MARK2: variants seen among roughly 807,000 people sequenced by gnomAD.
The protein encoded by MARK2 is serine/threonine-protein kinase MARK2.
Under a neutral mutation model 89.8 loss-of-function variants are expected in MARK2, and 16 were observed. That is an observed-to-expected ratio of 0.18 (90% CI 0.12 to 0.27). MARK2 has a LOEUF of 0.27. MARK2 is among the 10% of genes least tolerant of loss of function. The pLI is 1.00. For missense variants in MARK2, 621 were observed against 1,049.9 expected, an observed-to-expected ratio of 0.59 and a Z score of 5.65; for synonymous variants, 382 against 399.5, an observed-to-expected ratio of 0.96 and a Z score of 0.52.
At chr11:63,839,647 C>T in intron 1 of MARK2, 87 bp downstream of exon 1, 2 of 849,074 alleles carry the variant, frequency 2.4e-6, no homozygotes, top group Non-Finnish European at 3.7e-6. Context: ...CTCCTCGTGC[C>T]CCTGCTGCCA....
chr11:63,881,785 A>G (rs1252952016), intron 1 of MARK2, among the ~76,000 whole-genome samples: 1 of 152,172 alleles, frequency 6.6e-6, no homozygotes, highest in Non-Finnish European at 1.5e-5. Flanking sequence ...ATCTCTACAA[A>G]AAAAATGAAA....
intron 7 of MARK2, 90 bp from the exon 8 acceptor site, chr11:63,899,784 G>A (rs1036052417): frequency 3.5e-5 from 29 of 827,268 alleles, no homozygotes; most frequent in Middle Eastern, 3.6e-4. Context: ...ATGACTTTCC[G>A]TTTGTTCTCC....
intron 18 of MARK2, 33 bp downstream of exon 18, chr11:63,908,337 C>G (rs755621532): frequency 2.0e-6 from 3 of 1,534,890 alleles, no homozygotes; most frequent in South Asian, 1.2e-5. Context: ...TGGCCCTGCC[C>G]GGGCCACCGG....
chr11:63,889,580 T>C (rs1430647786), intron 1 of MARK2, among the ~76,000 whole-genome samples: 1 of 152,210 alleles, frequency 6.6e-6, no homozygotes, highest in African/African-American at 2.4e-5. Context: ...CTAGGCCGAG[T>C]CTGAGATCCC....
intron 1 of MARK2, among the ~76,000 whole-genome samples, chr11:63,842,259 C>T (rs945395258): frequency 1.3e-5 from 2 of 150,988 alleles, no homozygotes; most frequent in East Asian, 1.9e-4. Context: ...GTTCTGTCGC[C>T]AGGCTGGAGT....
intron 1 of MARK2, among the ~76,000 whole-genome samples, chr11:63,865,582 T>C (rs1591005240): frequency 2.6e-5 from 4 of 152,212 alleles, no homozygotes; most frequent in Admixed American, 2.6e-4. Context: ...AGTGTGGCAG[T>C]GCTTTCCTTG....
chr11:63,888,484 G>A (rs989725747), intron 1 of MARK2: 16 of 1,008,462 alleles, frequency 1.6e-5, no homozygotes, highest in East Asian at 1.0e-4. Context: ...GCCCACTTCC[G>A]GGGAGGGGGG....
intron 1 of MARK2, chr11:63,890,189 T>C: frequency 7.6e-7 from 1 of 1,310,766 alleles, no homozygotes; most frequent in Non-Finnish European, 1.0e-6. Flanking sequence ...CTCTCCTCTC[T>C]TTTCCCTTTT....
chr11:63,890,280 A>T (rs556631045), intron 1 of MARK2: 7 of 1,345,326 alleles, frequency 5.2e-6, no homozygotes, highest in Non-Finnish European at 6.9e-6. Flanking sequence ...TACAGCATAG[A>T]AGAAGGGGTG....
At chr11:63,875,808 G>T (rs1000033263) in intron 1 of MARK2, among the ~76,000 whole-genome samples, 2 of 152,212 alleles carry the variant, frequency 1.3e-5, no homozygotes, top group Non-Finnish European at 2.9e-5. Context: ...TTCTATGGCA[G>T]ACACACTCAG....
rs374827768 is a variant in MARK2, at chr11:63,898,604, G to T, written c.338-4G>T. The T allele has an allele frequency of 2.7e-5, 43 of 1,612,086 alleles. No individual in the cohort carries two copies. Among genetic ancestry groups the T allele is most frequent in the Non-Finnish European group, 3.2e-5 (38 of 1,178,200 alleles). On this transcript the variant is annotated splice_polypyrimidine_tract_variant and splice_region_variant and intron_variant, in intron 4 of 18. Transcript: ENST00000402010. ...GACTTAAGGCTTGGCCTTTTCTCTT[G>T]TAGTTAAATTATTTGAAGTGATTGA...
intron 17 of MARK2, among the ~76,000 whole-genome samples, chr11:63,906,880 C>G (rs1399029266): frequency 1.3e-5 from 2 of 151,078 alleles, no homozygotes; most frequent in East Asian, 4.0e-4. Flanking sequence ...CTCTTCTCCT[C>G]TAGGCTGTTT....
At chr11:63,858,424 A>G (rs995601674) in intron 1 of MARK2, among the ~76,000 whole-genome samples, 1 of 151,524 alleles carries the variant, frequency 6.6e-6, no homozygotes, top group Non-Finnish European at 1.5e-5. Context: ...CAATGGCACG[A>G]TCTCCACTCC....
intron 1 of MARK2, among the ~76,000 whole-genome samples, chr11:63,880,509 A>G (rs1394836457): frequency 9.2e-5 from 14 of 152,212 alleles, no homozygotes; most frequent in Admixed American, 2.6e-4. Context: ...TCCGTCCCCA[A>G]TTGGTAGCTC....
chr11:63,901,266 G>A (rs1280697973), intron 11 of MARK2, among the ~76,000 whole-genome samples, 197 bp downstream of exon 11: 4 of 152,176 alleles, frequency 2.6e-5, no homozygotes, highest in Non-Finnish European at 5.9e-5. Flanking sequence ...TAGAAAGCTG[G>A]TAGGGTCGGT....
At chr11:63,857,759 G>A (rs2135229935) in intron 1 of MARK2, among the ~76,000 whole-genome samples, 1 of 152,212 alleles carries the variant, frequency 6.6e-6, no homozygotes, top group South Asian at 2.1e-4. Flanking sequence ...AATGCAAAGA[G>A]TCCTGAAACC....
chr11:63,841,717 C>CT (rs2016028759), intron 1 of MARK2, among the ~76,000 whole-genome samples: 1 of 152,240 alleles, frequency 6.6e-6, no homozygotes, highest in Non-Finnish European at 1.5e-5. Flanking sequence ...AGTGCCTACT[C>CT]TCAGTGAGGC....
At chr11:63,868,898 C>T (rs747583876) in intron 1 of MARK2, 28 of 455,782 alleles carry the variant, frequency 6.1e-5, no homozygotes, top group Middle Eastern at 3.3e-4. Flanking sequence ...ACCAGCTCAG[C>T]GCCTGATGAT....
chr11:63,859,395 C>T (rs1343055990), intron 1 of MARK2, among the ~76,000 whole-genome samples: 2 of 151,794 alleles, frequency 1.3e-5, no homozygotes, highest in Non-Finnish European at 2.9e-5. Flanking sequence ...TCTCGGCCCA[C>T]GGCAACCCTC....
Sources: gnomAD v4.1 joint callset for allele counts (sites outside exome capture counted in the v4.1 genomes callset) on GRCh38, gnomAD v4.1.1 for gene constraint, MANE v1.5 for transcripts, NCBI Gene and HGNC (gene_info 2026-07-23, HGNC 2026-07-21) for gene names.